DGKG: variants seen among roughly 807,000 people sequenced by gnomAD.
DGKG encodes DAG kinase gamma.
In DGKG, 78 loss-of-function variants were observed where a neutral mutation model predicts 105.3. The ratio of observed to expected loss-of-function variants is 0.74; its 90% CI spans 0.62 to 0.89. DGKG has a LOEUF of 0.89. Ranked by LOEUF, DGKG falls within the 40% of genes least tolerant of loss-of-function variation. The pLI, the probability that DGKG is intolerant of heterozygous loss-of-function variation, is 0.00. For missense variants in DGKG, 958 were observed against 1,020.1 expected, an observed-to-expected ratio of 0.94 and a Z score of 0.83; for synonymous variants, 346 against 367.1, an observed-to-expected ratio of 0.94 and a Z score of 0.66.
At chr3:186,243,820 T>C (rs1259763424) in intron 19 of DGKG, among the ~76,000 whole-genome samples, 2 of 151,094 alleles carry the variant, frequency 1.3e-5, no homozygotes, top group East Asian at 3.9e-4. Context: ...TACAAAACAC[T>C]TGAAATTCCA....
intron 5 of DGKG, among the ~76,000 whole-genome samples, chr3:186,296,042 G>A (rs1308245065): frequency 1.1e-4 from 16 of 151,346 alleles, no homozygotes; most frequent in Non-Finnish European, 1.5e-4. Flanking sequence ...CTGGGAGCTC[G>A]AGGCTGCAGT....
rs1303884594 is a variant in DGKG at position 186,268,851 on chromosome 3, TG to T, written c.1065del (p.Lys356SerfsTer16). On this transcript the variant is annotated frameshift_variant, in exon 12 of 25. Coordinates refer to ENST00000265022, the MANE Select transcript of DGKG (RefSeq NM_001346.3). LOFTEE classifies it high-confidence loss of function. ...CGCGCGGTGACACTCTGGTAGCACT[TG>T]ATACTTTTGTGGCACCGGTCACACT... The part of the protein sequence containing the change: ...SVKCDRCHKS[I>X]KCYQSVTARH... 4 of 1,613,954 alleles carry T rather than the reference TG, an allele frequency of 2.5e-6. No individual in the cohort carries two copies. The African/African-American group carries it at 5.3e-5, about 22-fold the overall frequency.
chr3:186,248,782 T>TC (rs1721068056), intron 19 of DGKG, among the ~76,000 whole-genome samples: 1 of 152,170 alleles, frequency 6.6e-6, no homozygotes, highest in African/African-American at 2.4e-5. Context: ...AGAGTTCAAA[T>TC]ATTATGATTC....
chr3:186,335,616 C>A (rs1463291287), intron 1 of DGKG, among the ~76,000 whole-genome samples: 1 of 152,124 alleles, frequency 6.6e-6, no homozygotes, highest in Non-Finnish European at 1.5e-5. Context: ...TAGTTAATAT[C>A]CTTGTTGGTA....
Position 186,299,998 on chromosome 3 carries a change from C to T in DGKG, c.145-1769G>A, listed in dbSNP as rs144863614. 8.6e-3 allele frequency among the ~76,000 whole-genome samples: 1,314 copies of T among 151,932 alleles called. 11 individuals carry two copies. Among genetic ancestry groups the T allele is most frequent in the Middle Eastern group, 0.02 (6 of 294 alleles). The stretch of plus-strand genomic sequence containing the variant: ...GATTACAGGCACGTGCCACCATGCC[C>T]GGCTATTTTTGTATTTTTAGCAGAG... On this transcript the variant is annotated intron_variant, in intron 3 of 24. Coordinates refer to ENST00000265022, the MANE Select transcript of DGKG (RefSeq NM_001346.3).
At position 186,152,423 on chromosome 3, in the gene DGKG, C is replaced by T. The variant is rs897198178; in HGVS notation, c.2278-2235G>A. Among the ~76,000 whole-genome samples, 3 of 152,166 alleles carry T rather than the reference C, an allele frequency of 2.0e-5. No individual in the cohort carries two copies. In the East Asian group the frequency reaches 5.8e-4, roughly 29 times the overall value. On this transcript the variant is annotated intron_variant, in intron 24 of 24. Coordinates refer to ENST00000265022, the MANE Select transcript of DGKG (RefSeq NM_001346.3). ...GCATTCTTTGTTCCCCTGTGGAACACGTTTGTGGCATGTTCCCCTGTGGTC... is the reference window on the plus strand; with the variant it reads ...GCATTCTTTGTTCCCCTGTGGAACATGTTTGTGGCATGTTCCCCTGTGGTC...
chr3:186,234,603 A>G (rs758180570), intron 20 of DGKG, among the ~76,000 whole-genome samples: 8 of 152,194 alleles, frequency 5.3e-5, no homozygotes, highest in Non-Finnish European at 1.0e-4. Flanking sequence ...CTTTGTTGAC[A>G]TGAATAAGAC....
intron 3 of DGKG, among the ~76,000 whole-genome samples, chr3:186,299,200 TCTG>T (rs1415206602): frequency 6.6e-6 from 1 of 152,238 alleles, no homozygotes; most frequent in Admixed American, 6.5e-5. Context: ...TACTCTGAGA[TCTG>T]CTGTGCAGGC....
intron 19 of DGKG, 42 bp from the exon 20 acceptor site, chr3:186,242,610 A>G: frequency 6.3e-7 from 1 of 1,584,382 alleles, no homozygotes; most frequent in Non-Finnish European, 8.6e-7. Context: ...GTGAGTGGTC[A>G]TGACAGTGCA....
chr3:186,352,157 A>G (rs1167827958), intron 1 of DGKG, among the ~76,000 whole-genome samples: 1 of 152,096 alleles, frequency 6.6e-6, no homozygotes, highest in Non-Finnish European at 1.5e-5. Flanking sequence ...CCATGCTTAC[A>G]AATTTGTGAG....
At chr3:186,160,370 T>G (rs997158786) in intron 24 of DGKG, 1 of 985,184 alleles carries the variant, frequency 1.0e-6, no homozygotes, top group Admixed American at 6.2e-5. Flanking sequence ...AAAAGGAACT[T>G]GGATAGATTC....
At chr3:186,218,816 G>A (rs1355535505) in intron 20 of DGKG, among the ~76,000 whole-genome samples, 1 of 152,130 alleles carries the variant, frequency 6.6e-6, no homozygotes, top group African/African-American at 2.4e-5. Context: ...GGACATTTCT[G>A]TATATGAATT....
At chr3:186,272,631 G>A (rs1174921191) in intron 10 of DGKG, among the ~76,000 whole-genome samples, 1 of 152,252 alleles carries the variant, frequency 6.6e-6, no homozygotes, top group Admixed American at 6.5e-5. Context: ...GCTTTTTCCT[G>A]AAGGGGAGTG....
Position 186,284,849 on chromosome 3 carries a change from GCACAGAGTCTGACTTCCTTA to G in DGKG, c.545-160_545-141del. 1.4e-6 allele frequency: 1 copy of G among 697,838 alleles called. No homozygotes were observed. The highest frequency in any genetic ancestry group is 2.3e-5 in the Admixed American group (1 of 42,726). The allele number at this position is 697,838 out of a possible 1,614,324, so 43.2% of individuals were successfully genotyped here. On this transcript the variant is annotated intron_variant, in intron 6 of 24. Transcript: ENST00000265022. The surrounding 1 kb of genome is among the most constrained non-coding windows in gnomAD (Gnocchi z 4.0). ...GGCAGCCAGCTCTCCCTCCCTCTGAGCACAGAGTCTGACTTCCTTACAGAGAGGCTGGGCCAAGGGAGGAG... is the reference window on the plus strand; with the variant it reads ...GGCAGCCAGCTCTCCCTCCCTCTGAGCAGAGAGGCTGGGCCAAGGGAGGAG...
Position 186,348,186 on chromosome 3 carries a change from T to C in DGKG, c.-249+13760A>G, listed in dbSNP as rs550217004. On this transcript the variant is annotated intron_variant, in intron 1 of 24. Transcript: ENST00000265022. ...TAATTTTGGCAGTTGCATTGTTTCC[T>C]GACTATATTAATAACATGTAAATAC... Among the ~76,000 whole-genome samples, 3 of 152,298 alleles carry C rather than the reference T, an allele frequency of 2.0e-5. No homozygotes were observed. In the East Asian group the frequency reaches 5.8e-4, roughly 29 times the overall value.
intron 21 of DGKG, among the ~76,000 whole-genome samples, chr3:186,202,531 C>A (rs1316472182): frequency 6.6e-6 from 1 of 152,190 alleles, no homozygotes; most frequent in African/African-American, 2.4e-5. Flanking sequence ...TCATGAATTC[C>A]TCTGAATATT....
intron 6 of DGKG, among the ~76,000 whole-genome samples, chr3:186,285,637 A>G (rs1233662210): frequency 4.0e-5 from 6 of 151,812 alleles, no homozygotes; most frequent in African/African-American, 7.3e-5. Context: ...CAGGAAGCAG[A>G]GATAAGCATT....
chr3:186,340,612 T>A lies in DGKG; in HGVS notation c.-248-19905A>T, dbSNP rs1726045054. ...TGTTGCTGATGGAATCACATGCACA[T>A]ATTCATTCCTCTAACCACTTGCTAG... is the stretch of plus-strand genomic sequence containing the variant. On this transcript the variant is annotated intron_variant, in intron 1 of 24. Coordinates refer to ENST00000265022, the MANE Select transcript of DGKG (RefSeq NM_001346.3). Among the ~76,000 whole-genome samples the A allele has an allele frequency of 2.0e-5, 3 of 152,220 alleles. No individual in the cohort carries two copies. The South Asian group carries it at 6.2e-4, about 32-fold the overall frequency.
At chr3:186,286,395 C>A (rs1403876091) in intron 6 of DGKG, among the ~76,000 whole-genome samples, 1 of 152,164 alleles carries the variant, frequency 6.6e-6, no homozygotes, top group East Asian at 1.9e-4. Flanking sequence ...TGTGCATGAA[C>A]AATAGAACTA....
Sources: gnomAD v4.1 joint callset for allele counts (sites outside exome capture counted in the v4.1 genomes callset) on GRCh38, gnomAD v4.1.1 for gene constraint, Gnocchi (gnomAD v3.1) non-coding constraint, MANE v1.5 for transcripts, NCBI Gene and HGNC (gene_info 2026-07-23, HGNC 2026-07-21) for gene names.